Variants in SYNPO2 observed in about 807,000 individuals in gnomAD.
SYNPO2 encodes the protein synaptopodin 2, also known as synaptopodin-2.
In SYNPO2, 56 loss-of-function variants were observed where a neutral mutation model predicts 85.0. The observed-to-expected ratio is 0.66, with a 90% CI of 0.53 to 0.82. The LOEUF is 0.82. Among genes scored for constraint, SYNPO2 ranks in the 40% least tolerant of loss-of-function variants. The pLI is 0.00. For missense variants in SYNPO2, 1,575 were observed against 1,534.2 expected (o/e 1.03, Z -0.44); for synonymous variants, 602 against 591.1 (o/e 1.02, Z -0.27).
At chr4:119,040,392 T>C (rs909355858) in intron 4 of SYNPO2, among the ~76,000 whole-genome samples, 3 of 152,234 alleles carry the variant, frequency 2.0e-5, no homozygotes, top group Admixed American at 6.5e-5. Context: ...TTCTCTTTTT[T>C]CTTCTTACTG....
intron 1 of SYNPO2, among the ~76,000 whole-genome samples, chr4:119,002,334 C>T (rs1321138042): frequency 1.3e-5 from 2 of 152,110 alleles, no homozygotes; most frequent in Non-Finnish European, 2.9e-5. Flanking sequence ...GATCTCAGCT[C>T]ACTGCAACCT....
intron 3 of SYNPO2, among the ~76,000 whole-genome samples, chr4:119,028,493 T>C (rs1738077400): frequency 6.6e-6 from 1 of 152,154 alleles, no homozygotes; most frequent in African/African-American, 2.4e-5. Context: ...AACAAGAGTA[T>C]TGAGACACCA....
At chr4:118,900,709 A>C (rs200015976) in intron 1 of SYNPO2, among the ~76,000 whole-genome samples, 2,276 of 59,362 alleles carry the variant, frequency 0.038, 26 homozygotes, top group South Asian at 0.06. Context: ...CTCTCTATAT[A>C]TATATATATA....
At chr4:119,038,106 C>T in intron 4 of SYNPO2, 1 of 979,748 alleles carries the variant, frequency 1.0e-6, no homozygotes, top group Non-Finnish European at 1.2e-6. Flanking sequence ...TGTCTGGCAT[C>T]CAAACCTGTG....
chr4:119,030,661 C>T lies in SYNPO2; in HGVS notation c.1886C>T (p.Pro629Leu), dbSNP rs372370554. ...CCTTACTCTGCAGTCACTCCTCCCC[C>T]TGACGCCTTCTCCAGAGGGGTTTCA... ...PPPYSAVTPPPDAFSRGVSSP... is the reference protein window; with the variant it reads ...PPPYSAVTPPLDAFSRGVSSP... Residue 629 changes from proline to leucine, a missense_variant, in exon 4 of 5, where the codon CCT (proline) becomes CTT (leucine). By Grantham distance (98) the Pro-to-Leu change is moderately conservative. Coordinates refer to ENST00000307142, the MANE Select transcript of SYNPO2 (RefSeq NM_133477.3). The T allele has an allele frequency of 6.2e-7, 1 of 1,614,198 alleles. No individual in the cohort carries two copies. Among genetic ancestry groups the T allele is most frequent in the Non-Finnish European group, 8.5e-7 (1 of 1,180,032 alleles).
chr4:119,026,182 T>C (rs1219991173), intron 2 of SYNPO2, among the ~76,000 whole-genome samples: 1 of 152,190 alleles, frequency 6.6e-6, no homozygotes, highest in African/African-American at 2.4e-5. Flanking sequence ...CTAGTTGAGT[T>C]ATCTGTAAGT....
At chr4:118,954,395 A>G (rs1273408242) in intron 1 of SYNPO2, among the ~76,000 whole-genome samples, 1 of 152,148 alleles carries the variant, frequency 6.6e-6, no homozygotes, top group Non-Finnish European at 1.5e-5. Flanking sequence ...CAAACTGCAC[A>G]CAAATGGTAA....
chr4:119,003,586 C>T (rs1736902069), intron 1 of SYNPO2, among the ~76,000 whole-genome samples: 1 of 152,076 alleles, frequency 6.6e-6, no homozygotes, highest in Non-Finnish European at 1.5e-5. Context: ...TTGTATCATC[C>T]TGTTTCTGTT....
At chr4:118,877,479 A>C (rs1731947479) in intron 1 of SYNPO2, among the ~76,000 whole-genome samples, 1 of 152,212 alleles carries the variant, frequency 6.6e-6, no homozygotes, top group South Asian at 2.1e-4. Flanking sequence ...AGGTCTAATA[A>C]GAATCTATAA....
intron 1 of SYNPO2, among the ~76,000 whole-genome samples, chr4:118,902,836 G>A (rs1023466778): frequency 2.0e-5 from 3 of 152,084 alleles, no homozygotes; most frequent in African/African-American, 7.2e-5. Context: ...ACATTCAAGA[G>A]TTTAAAAATT....
At chr4:118,895,268 A>G (rs1334997481) in intron 1 of SYNPO2, among the ~76,000 whole-genome samples, 9 of 152,106 alleles carry the variant, frequency 5.9e-5, no homozygotes, top group Non-Finnish European at 1.2e-4. Context: ...AGGGTGTGGC[A>G]TGGAAAGGAG....
chr4:118,991,004 C>T (rs13144666), intron 1 of SYNPO2, among the ~76,000 whole-genome samples: 1 of 152,062 alleles, frequency 6.6e-6, no homozygotes, highest in Non-Finnish European at 1.5e-5. Flanking sequence ...ACTGGGCCAA[C>T]AGGCCCTTCC....
chr4:118,949,871 A>T (rs1734639746), intron 1 of SYNPO2, among the ~76,000 whole-genome samples: 1 of 152,180 alleles, frequency 6.6e-6, no homozygotes, highest in South Asian at 2.1e-4. Context: ...TCAGAATACA[A>T]ATCACAAATA....
Position 119,018,469 on chromosome 4 carries a change from G to C in SYNPO2, c.106-4961G>C, listed in dbSNP as rs112063009. ...TATATTGGATATATAACCAGCAATG[G>C]GATTGCTGGCTAGTTCTAGTTTTAA... On this transcript the variant is annotated intron_variant, in intron 1 of 4. Transcript: ENST00000307142. Among the ~76,000 whole-genome samples, 1,191 of 152,172 alleles carry C rather than the reference G, an allele frequency of 7.8e-3. 19 individuals carry two copies. Among genetic ancestry groups the C allele is most frequent in the African/African-American group, 0.027 (1,129 of 41,510 alleles).
At chr4:119,049,318 T>C (rs1164887445) in intron 4 of SYNPO2, among the ~76,000 whole-genome samples, 4 of 152,268 alleles carry the variant, frequency 2.6e-5, no homozygotes, top group African/African-American at 9.6e-5. Context: ...CTCTTCACTT[T>C]TCTTGGACCT....
At chr4:119,036,611 G>GA (rs1404001108) in intron 4 of SYNPO2, 109 of 985,310 alleles carry the variant, frequency 1.1e-4, no homozygotes, top group Non-Finnish European at 1.2e-4. Flanking sequence ...TATGGTTCTA[G>GA]AAAAAATAGT....
At chr4:118,898,795 C>T (rs1732631192) in intron 1 of SYNPO2, among the ~76,000 whole-genome samples, 2 of 152,234 alleles carry the variant, frequency 1.3e-5, no homozygotes, top group South Asian at 4.1e-4. Context: ...CTGTCCAGCC[C>T]CATCACCTGT....
At chr4:119,010,300 A>G (rs1737242106) in intron 1 of SYNPO2, among the ~76,000 whole-genome samples, 1 of 152,190 alleles carries the variant, frequency 6.6e-6, no homozygotes, top group African/African-American at 2.4e-5. Flanking sequence ...GTTTAATTGG[A>G]CTTACAGTTC....
chr4:118,953,220 T>G (rs1734754465), intron 1 of SYNPO2, among the ~76,000 whole-genome samples: 1 of 152,184 alleles, frequency 6.6e-6, no homozygotes, highest in African/African-American at 2.4e-5. Flanking sequence ...CAAACGATGT[T>G]GAGAGCTTAG....
Sources: allele counts gnomAD v4.1 joint callset (sites outside exome capture counted in the v4.1 genomes callset), GRCh38; gene constraint gnomAD v4.1.1; transcripts MANE v1.5; gene names NCBI Gene and HGNC (gene_info 2026-07-23, HGNC 2026-07-21).